TEC: variants seen among roughly 807,000 people sequenced by gnomAD.
TEC encodes the protein tyrosine-protein kinase Tec.
In TEC, 72 loss-of-function variants were observed where a neutral mutation model predicts 93.0. The ratio of observed to expected loss-of-function variants is 0.77; its 90% CI spans 0.64 to 0.94. The LOEUF (loss-of-function observed/expected upper bound fraction) is 0.94, where lower values mean the gene tolerates loss of function less well. Among genes scored for constraint, TEC ranks in the 40% least tolerant of loss-of-function variants. TEC has a pLI of 0.00. For synonymous variants in TEC, 249 were observed against 247.7 expected, an observed-to-expected ratio of 1.01 and a Z score of -0.05; for missense variants, 630 against 757.9, an observed-to-expected ratio of 0.83 and a Z score of 1.98.
At chr4:48,253,974 TG>T (rs1342793633) in intron 1 of TEC, among the ~76,000 whole-genome samples, 1 of 152,172 alleles carries the variant, frequency 6.6e-6, no homozygotes, top group African/African-American at 2.4e-5. Context: ...CATATCCCCA[TG>T]TATCTGCTCG....
chr4:48,168,480 A>G, intron 6 of TEC, 106 bp downstream of exon 6: 3 of 1,209,618 alleles, frequency 2.5e-6, no homozygotes, highest in Non-Finnish European at 3.6e-6. Flanking sequence ...ATTGTGTCAC[A>G]TCAATGAATA....
intron 11 of TEC, among the ~76,000 whole-genome samples, chr4:48,149,181 T>A (rs1377676121): frequency 1.3e-5 from 2 of 152,200 alleles, no homozygotes; most frequent in Non-Finnish European, 2.9e-5. Context: ...TTCCTTTGGG[T>A]ATATACCCAA....
intron 1 of TEC, among the ~76,000 whole-genome samples, chr4:48,237,747 T>C (rs550083063): frequency 5.9e-5 from 9 of 152,348 alleles, no homozygotes; most frequent in African/African-American, 1.9e-4. Context: ...TAAAACTTAG[T>C]TAAAGCCCTC....
At chr4:48,222,479 T>G (rs115420890) in intron 2 of TEC, among the ~76,000 whole-genome samples, 1 of 151,884 alleles carries the variant, frequency 6.6e-6, no homozygotes, top group African/African-American at 2.4e-5. Context: ...ATGCTTAATT[T>G]TATGTGTCAA....
chr4:48,252,223 C>T (rs1463702009), intron 1 of TEC, among the ~76,000 whole-genome samples: 4 of 152,130 alleles, frequency 2.6e-5, no homozygotes, highest in African/African-American at 7.2e-5. Flanking sequence ...AGCAAATATA[C>T]ATAAAGTGCT....
intron 1 of TEC, among the ~76,000 whole-genome samples, chr4:48,269,226 G>C (rs1178656906): frequency 6.6e-6 from 1 of 152,186 alleles, no homozygotes; most frequent in Non-Finnish European, 1.5e-5. Context: ...TAGGATACAT[G>C]TGCACAACGT....
chr4:48,253,195 C>T (rs1724255828), intron 1 of TEC, among the ~76,000 whole-genome samples: 1 of 152,156 alleles, frequency 6.6e-6, no homozygotes, highest in South Asian at 2.1e-4. Context: ...ACTTTTTATT[C>T]ATCAGGCAGT....
chr4:48,181,233 T>C (rs1212596915), intron 2 of TEC, among the ~76,000 whole-genome samples: 1 of 152,148 alleles, frequency 6.6e-6, no homozygotes, highest in African/African-American at 2.4e-5. Flanking sequence ...TCTTTATAGA[T>C]AAAGACAATT....
At position 48,194,846 on chromosome 4, in the gene TEC, G is replaced by A. The variant is rs573291026; in HGVS notation, c.139-18660C>T. Reference sequence around the variant, plus strand: ...CCATGGGTTTTTGTGGGTTTAATGCGGGCCAATCACTGCTTTTACTACAGT... The same window carrying A: ...CCATGGGTTTTTGTGGGTTTAATGCAGGCCAATCACTGCTTTTACTACAGT... On this transcript the variant is annotated intron_variant, in intron 2 of 17. Transcript: ENST00000381501. 3.2e-4 allele frequency among the ~76,000 whole-genome samples: 49 copies of A among 152,188 alleles called. 1 individual carries two copies. The highest frequency in any genetic ancestry group is 1.6e-3 in the Admixed American group (24 of 15,288).
At chr4:48,154,930 T>A (rs1720331148) in intron 9 of TEC, among the ~76,000 whole-genome samples, 1 of 152,150 alleles carries the variant, frequency 6.6e-6, no homozygotes, top group Non-Finnish European at 1.5e-5. Context: ...AAGACAGGGA[T>A]TATAATGATA....
intron 17 of TEC, among the ~76,000 whole-genome samples, chr4:48,138,364 A>G (rs1719516605): frequency 6.6e-6 from 1 of 152,230 alleles, no homozygotes; most frequent in Admixed American, 6.5e-5. Context: ...GAACCAATGA[A>G]AAAAGAGCTA....
intron 1 of TEC, among the ~76,000 whole-genome samples, chr4:48,234,439 C>T (rs1412690245): frequency 6.6e-6 from 1 of 152,168 alleles, no homozygotes; most frequent in Admixed American, 6.5e-5. Flanking sequence ...AAATGAATGA[C>T]ACTGAGCAGC....
At chr4:48,142,696 T>G (rs1294354783) in intron 14 of TEC, among the ~76,000 whole-genome samples, 2 of 152,120 alleles carry the variant, frequency 1.3e-5, no homozygotes, top group African/African-American at 4.8e-5. Context: ...AATTTTTTAT[T>G]TTTGAAACTG....
In TEC at chr4:48,137,554, C is replaced by T; in HGVS notation, c.1813-55G>A. The T allele has an allele frequency of 3.5e-6, 5 of 1,419,552 alleles. No individual in the cohort carries two copies. The South Asian group carries it at 4.6e-5, about 13-fold the overall frequency. The allele number at this position is 1,419,552 out of a possible 1,614,324, so 87.9% of individuals were successfully genotyped here. On this transcript the variant is annotated intron_variant, in intron 17 of 17. Coordinates refer to ENST00000381501, the MANE Select transcript of TEC (RefSeq NM_003215.3). ...GGTTCCAGAATCCATTCCACAAAAC[C>T]TCTCACTGCTCCAACTCCTAAACAC...
intron 1 of TEC, among the ~76,000 whole-genome samples, chr4:48,236,279 C>CTT (rs59024899): frequency 2.7e-5 from 4 of 148,802 alleles, no homozygotes; most frequent in African/African-American, 9.9e-5. Context: ...TTACAAACAG[C>CTT]TTTTTTTTTT....
At chr4:48,187,240 G>A (rs375547792) in intron 2 of TEC, among the ~76,000 whole-genome samples, 48 of 152,208 alleles carry the variant, frequency 3.2e-4, no homozygotes, top group East Asian at 3.1e-3. Context: ...CAGCATGCTC[G>A]TTAAGAGTCA....
chr4:48,179,354 A>ATATATC (rs1553888300), intron 2 of TEC, among the ~76,000 whole-genome samples: 5 of 32,204 alleles, frequency 1.6e-4, no homozygotes, highest in African/African-American at 6.6e-4. Flanking sequence ...ATATATATAT[A>ATATATC]TATATATATA....
At position 48,149,272 on chromosome 4, in the gene TEC, A is replaced by C. The variant is rs537810815; in HGVS notation, c.1006+285T>G. Among the ~76,000 whole-genome samples, 12 of 152,330 alleles carry C rather than the reference A, an allele frequency of 7.9e-5. No homozygotes were observed. In the East Asian group the frequency reaches 2.3e-3, roughly 29 times the overall value. On this transcript the variant is annotated intron_variant, in intron 11 of 17. Coordinates refer to ENST00000381501, the MANE Select transcript of TEC (RefSeq NM_003215.3). ...TCACACTGTCTTCCACAATGGCGGAACTAATTTACACTGCCACCAACAGTG... is the reference window on the plus strand; with the variant it reads ...TCACACTGTCTTCCACAATGGCGGACCTAATTTACACTGCCACCAACAGTG...
chr4:48,141,334 A>G (rs1257259906), intron 15 of TEC, 21 bp downstream of exon 15: 6 of 1,610,168 alleles, frequency 3.7e-6, no homozygotes, highest in Non-Finnish European at 5.1e-6. Context: ...ATCACCTAAA[A>G]CCACGTATAC....
Sources: gnomAD v4.1 joint callset for allele counts (sites outside exome capture counted in the v4.1 genomes callset) on GRCh38, gnomAD v4.1.1 for gene constraint, MANE v1.5 for transcripts, NCBI Gene and HGNC (gene_info 2026-07-23, HGNC 2026-07-21) for gene names.